Variants in TASP1 observed in about 807,000 individuals in gnomAD.
The protein encoded by TASP1 is taspase 1.
Under a neutral mutation model 56.6 loss-of-function variants are expected in TASP1, and 16 were observed. The ratio of observed to expected loss-of-function variants is 0.28; its 90% CI spans 0.19 to 0.43. The LOEUF (loss-of-function observed/expected upper bound fraction) is 0.43. Ranked by LOEUF, TASP1 falls within the 20% of genes least tolerant of loss-of-function variation. The pLI is 1.00. For missense variants in TASP1, 393 were observed against 511.6 expected (o/e 0.77, Z 2.24); for synonymous variants, 179 against 184.2 (o/e 0.97, Z 0.23).
intron 11 of TASP1, among the ~76,000 whole-genome samples, chr20:13,468,100 A>T (rs1452665005): frequency 2.6e-5 from 4 of 152,172 alleles, no homozygotes; most frequent in African/African-American, 9.7e-5. Context: ...ACACACTGAA[A>T]ATTTTCCTAA....
chr20:13,392,526 A>C (rs1211728549), intron 13 of TASP1, among the ~76,000 whole-genome samples: 3 of 152,330 alleles, frequency 2.0e-5, no homozygotes, highest in Admixed American at 2.0e-4. Flanking sequence ...TTCACACAGA[A>C]GCATACTACT....
chr20:13,531,943 G>A (rs1463331211), intron 9 of TASP1, among the ~76,000 whole-genome samples: 3 of 152,192 alleles, frequency 2.0e-5, no homozygotes, highest in Non-Finnish European at 4.4e-5. Flanking sequence ...GGAATTACAG[G>A]CGTGAGCCAC....
chr20:13,267,311 G>C, the TASP1 span, among the ~76,000 whole-genome samples: 1 of 152,148 alleles, frequency 6.6e-6, no homozygotes, highest in African/African-American at 2.4e-5. Flanking sequence ...GTGTCTGGGG[G>C]GCAGGGCGGT....
chr20:13,191,468 T>C, the TASP1 span, among the ~76,000 whole-genome samples: 3 of 152,194 alleles, frequency 2.0e-5, no homozygotes, highest in East Asian at 5.8e-4. Context: ...GATATCATGT[T>C]AAGTGAAATA....
intron 13 of TASP1, chr20:13,393,363 A>C: frequency 1.3e-6 from 1 of 742,536 alleles, no homozygotes; most frequent in Non-Finnish European, 2.5e-6. Flanking sequence ...GCTCAATGGC[A>C]TGGCCTTCCA....
At chr20:13,311,216 T>TGATAGACAGATAGATAGATA in the TASP1 span, among the ~76,000 whole-genome samples, 1 of 133,206 alleles carries the variant, frequency 7.5e-6, no homozygotes, top group African/African-American at 2.9e-5. Context: ...TATAGATAGA[T>TGATAGACAGATAGATAGATA]GATAGATAGA....
At chr20:13,586,847 T>C (rs1601348187) in intron 5 of TASP1, among the ~76,000 whole-genome samples, 1 of 152,128 alleles carries the variant, frequency 6.6e-6, no homozygotes, top group African/African-American at 2.4e-5. Context: ...TTCTGTTACA[T>C]AAAAATATAG....
intron 10 of TASP1, among the ~76,000 whole-genome samples, chr20:13,527,249 G>A (rs925841474): frequency 1.2e-4 from 19 of 152,098 alleles, no homozygotes; most frequent in Non-Finnish European, 1.8e-4. Flanking sequence ...ATCAGAGATC[G>A]CAGAAAGAGC....
the TASP1 span, among the ~76,000 whole-genome samples, chr20:13,115,671 A>G: frequency 6.6e-6 from 1 of 152,154 alleles, no homozygotes; most frequent in Non-Finnish European, 1.5e-5. Flanking sequence ...ATAAGATTCA[A>G]CACAGAACAT....
intron 11 of TASP1, 100 bp downstream of exon 11, chr20:13,483,127 G>A (rs1229999641): frequency 1.3e-6 from 1 of 796,672 alleles, no homozygotes; most frequent in Admixed American, 2.8e-5. Flanking sequence ...AGACCCTAGA[G>A]GTAGGTCTAG....
At chr20:13,132,950 G>A in the TASP1 span, 1 of 153,672 alleles carries the variant, frequency 6.5e-6, no homozygotes, top group Non-Finnish European at 1.4e-5. Context: ...CCTGTCCTCT[G>A]CCTCCTTGCT....
At chr20:13,225,349 A>G in the TASP1 span, among the ~76,000 whole-genome samples, 1 of 152,120 alleles carries the variant, frequency 6.6e-6, no homozygotes, top group Non-Finnish European at 1.5e-5. Context: ...AAAGTCATAC[A>G]CTCAAGAGAG....
At chr20:13,123,119 T>C in the TASP1 span, among the ~76,000 whole-genome samples, 6 of 152,010 alleles carry the variant, frequency 3.9e-5, no homozygotes, top group Non-Finnish European at 7.4e-5. Flanking sequence ...TTACCAGAGG[T>C]CAGGAGTTCG....
At chr20:13,382,739 A>AT in the TASP1 span, among the ~76,000 whole-genome samples, 1 of 152,168 alleles carries the variant, frequency 6.6e-6, no homozygotes, top group African/African-American at 2.4e-5. Flanking sequence ...TATAATTCAC[A>AT]TTTTTTTCAC....
intron 8 of TASP1, among the ~76,000 whole-genome samples, chr20:13,556,862 T>C (rs1225120126): frequency 6.6e-6 from 1 of 152,264 alleles, no homozygotes; most frequent in Non-Finnish European, 1.5e-5. Flanking sequence ...ACATCCAAGT[T>C]ACTCTATATC....
chr20:13,451,560 A>T (rs1418913394), intron 11 of TASP1, among the ~76,000 whole-genome samples: 1 of 152,052 alleles, frequency 6.6e-6, no homozygotes, highest in Non-Finnish European at 1.5e-5. Context: ...TACCTCATGA[A>T]TGAATCTCTG....
intron 11 of TASP1, among the ~76,000 whole-genome samples, chr20:13,476,970 A>T (rs1168860101): frequency 2.0e-5 from 3 of 152,170 alleles, no homozygotes; most frequent in African/African-American, 7.2e-5. Flanking sequence ...ATGCTTATCA[A>T]ATATGAAGCA....
the TASP1 span, among the ~76,000 whole-genome samples, chr20:13,234,973 C>T: frequency 6.6e-6 from 1 of 152,172 alleles, no homozygotes; most frequent in African/African-American, 2.4e-5. Context: ...GTTTGAGAAA[C>T]ACTGGTCTAC....
the TASP1 span, among the ~76,000 whole-genome samples, chr20:13,126,206 C>T: frequency 6.6e-6 from 1 of 152,158 alleles, no homozygotes; most frequent in African/African-American, 2.4e-5. Context: ...TGGGCACAAT[C>T]ATATGTAATA....
Sources: gnomAD v4.1 joint callset for allele counts (sites outside exome capture counted in the v4.1 genomes callset) on GRCh38, gnomAD v4.1.1 for gene constraint, MANE v1.5 for transcripts, NCBI Gene and HGNC (gene_info 2026-07-23, HGNC 2026-07-21) for gene names.